Variants in FSTL5 observed in about 807,000 individuals in gnomAD.
The protein encoded by FSTL5 is follistatin like 5.
FSTL5 carries 62 observed loss-of-function variants against 89.1 expected under a neutral mutation model. That is an observed-to-expected ratio of 0.70 (90% CI 0.57 to 0.86). The LOEUF is 0.86. FSTL5 is among the 40% of genes least tolerant of loss of function. The pLI, the probability that FSTL5 is intolerant of heterozygous loss-of-function variation, is 0.00. For missense variants in FSTL5, 1,057 were observed against 1,001.6 expected, an observed-to-expected ratio of 1.06 and a Z score of -0.75; for synonymous variants, 383 against 346.2, an observed-to-expected ratio of 1.11 and a Z score of -1.18.
At chr4:161,694,064 AC>A (rs1738049467) in intron 6 of FSTL5, among the ~76,000 whole-genome samples, 1 of 150,484 alleles carries the variant, frequency 6.6e-6, no homozygotes, top group East Asian at 1.9e-4. Flanking sequence ...ATTAATCTTT[AC>A]AAAGAACCAA....
chr4:161,971,881 T>C (rs1304759824), intron 3 of FSTL5, among the ~76,000 whole-genome samples: 1 of 152,188 alleles, frequency 6.6e-6, no homozygotes, highest in Non-Finnish European at 1.5e-5. Context: ...TTTTACCTCA[T>C]CCAGTCTGTT....
chr4:161,687,130 T>A (rs941048350), intron 6 of FSTL5, among the ~76,000 whole-genome samples: 1 of 152,180 alleles, frequency 6.6e-6, no homozygotes, highest in Non-Finnish European at 1.5e-5. Flanking sequence ...AAACTAAATA[T>A]ACAATGATGT....
At chr4:162,099,151 G>C (rs576617894) in intron 2 of FSTL5, among the ~76,000 whole-genome samples, 1 of 152,036 alleles carries the variant, frequency 6.6e-6, no homozygotes, top group African/African-American at 2.4e-5. Context: ...TCTTTGTGTA[G>C]TAGCATTCTA....
intron 7 of FSTL5, among the ~76,000 whole-genome samples, chr4:161,640,661 C>T (rs1735922065): frequency 1.3e-5 from 2 of 149,570 alleles, no homozygotes; most frequent in South Asian, 4.1e-4. Context: ...ACCAAGTCTA[C>T]ATGATTTGTA....
intron 11 of FSTL5, 43 bp from the exon 12 acceptor site, chr4:161,500,177 C>T (rs1358806541): frequency 7.6e-7 from 1 of 1,319,720 alleles, no homozygotes; most frequent in Admixed American, 2.1e-5. Context: ...ATATAATTAT[C>T]ATAAACCTTT....
chr4:161,499,060 G>A (rs1440763340), intron 12 of FSTL5, among the ~76,000 whole-genome samples: 2 of 152,010 alleles, frequency 1.3e-5, no homozygotes, highest in South Asian at 4.1e-4. Context: ...AAATTAGCTG[G>A]GCTTGGAGGC....
chr4:161,760,063 T>C (rs1055458837), intron 5 of FSTL5, among the ~76,000 whole-genome samples: 1 of 152,206 alleles, frequency 6.6e-6, no homozygotes, highest in Non-Finnish European at 1.5e-5. Context: ...GGATTGTGCA[T>C]GAATTCCCTT....
At chr4:161,821,432 T>A (rs1215235376) in intron 4 of FSTL5, among the ~76,000 whole-genome samples, 1 of 152,182 alleles carries the variant, frequency 6.6e-6, no homozygotes, top group Non-Finnish European at 1.5e-5. Context: ...TTATTATTAT[T>A]TTTTAAATTT....
At chr4:161,523,218 A>G (rs1029733676) in intron 10 of FSTL5, among the ~76,000 whole-genome samples, 10 of 152,310 alleles carry the variant, frequency 6.6e-5, no homozygotes, top group Admixed American at 4.6e-4. Flanking sequence ...CTATAAGTAA[A>G]TTGACAAGCA....
intron 2 of FSTL5, among the ~76,000 whole-genome samples, chr4:162,108,244 T>G (rs969301115): frequency 6.6e-6 from 1 of 152,126 alleles, no homozygotes; most frequent in East Asian, 1.9e-4. Flanking sequence ...AGACAAATTT[T>G]CAATTACATT....
chr4:161,497,945 T>G (rs188147822), intron 12 of FSTL5, among the ~76,000 whole-genome samples: 6 of 151,834 alleles, frequency 4.0e-5, no homozygotes, highest in African/African-American at 1.4e-4. Flanking sequence ...TTTGCATATA[T>G]AATTTTTCTC....
chr4:161,843,815 CG>C (rs1257321455), intron 4 of FSTL5, among the ~76,000 whole-genome samples: 1 of 151,952 alleles, frequency 6.6e-6, no homozygotes, highest in African/African-American at 2.4e-5. Flanking sequence ...AAGACTTAAA[CG>C]TAAGTCCTAA....
intron 4 of FSTL5, among the ~76,000 whole-genome samples, chr4:161,876,715 G>T (rs1182197294): frequency 6.6e-6 from 1 of 151,946 alleles, no homozygotes; most frequent in Admixed American, 6.6e-5. Flanking sequence ...ACTCCAGCCT[G>T]GGTGACAGAG....
At chr4:161,507,913 G>C (rs1313650872) in intron 11 of FSTL5, among the ~76,000 whole-genome samples, 1 of 151,892 alleles carries the variant, frequency 6.6e-6, no homozygotes, top group African/African-American at 2.4e-5. Flanking sequence ...GGCCTTAAGT[G>C]ACCTACATTC....
chr4:161,545,228 C>T (rs1178117333), intron 8 of FSTL5, among the ~76,000 whole-genome samples: 1 of 152,014 alleles, frequency 6.6e-6, no homozygotes, highest in Non-Finnish European at 1.5e-5. Context: ...TGGAAGTGAG[C>T]TACAACTGTT....
At chr4:161,596,814 G>T (rs1192092078) in intron 7 of FSTL5, among the ~76,000 whole-genome samples, 1 of 152,126 alleles carries the variant, frequency 6.6e-6, no homozygotes, top group African/African-American at 2.4e-5. Flanking sequence ...AAAATGAGCT[G>T]CAGGTATTTC....
intron 15 of FSTL5, among the ~76,000 whole-genome samples, chr4:161,429,581 C>A (rs1413360117): frequency 2.0e-5 from 3 of 152,182 alleles, no homozygotes; most frequent in South Asian, 2.1e-4. Context: ...TCAGATAATT[C>A]TTCAGGACCT....
intron 4 of FSTL5, among the ~76,000 whole-genome samples, chr4:161,875,577 T>G (rs1456680418): frequency 3.3e-5 from 5 of 152,154 alleles, no homozygotes; most frequent in African/African-American, 7.2e-5. Flanking sequence ...TCCGGGCCCT[T>G]GAGCCACTGG....
intron 7 of FSTL5, among the ~76,000 whole-genome samples, chr4:161,655,380 C>G (rs1736480160): frequency 6.6e-6 from 1 of 151,964 alleles, no homozygotes; most frequent in Middle Eastern, 3.4e-3. Context: ...TTGGTATAGT[C>G]CCTATTGGTC....
Sources: gnomAD v4.1 joint callset for allele counts (sites outside exome capture counted in the v4.1 genomes callset) on GRCh38, gnomAD v4.1.1 for gene constraint, MANE v1.5 for transcripts, NCBI Gene and HGNC (gene_info 2026-07-23, HGNC 2026-07-21) for gene names.